The following HEATR4 variants were observed in gnomAD, a reference collection of about 807,000 sequenced individuals.
HEATR4 encodes HEAT repeat-containing protein 4.
HEATR4 carries 95 observed loss-of-function variants against 108.8 expected under a neutral mutation model. That is an observed-to-expected ratio of 0.87 (90% CI 0.74 to 1.04). HEATR4 has a LOEUF of 1.04. Ranked by LOEUF, HEATR4 falls within the 50% of genes least tolerant of loss-of-function variation. HEATR4 has a pLI of 0.00. For synonymous variants in HEATR4, 443 were observed against 459.4 expected (o/e 0.96, Z 0.46); for missense variants, 1,152 against 1,253.8 (o/e 0.92, Z 1.23).
the HEATR4 span, chr14:73,612,966 CG>C: frequency 5.8e-6 from 7 of 1,200,282 alleles, no homozygotes; most frequent in East Asian, 6.3e-5. Flanking sequence ...TTTCTCCGGC[CG>C]GGGGTGCGGC....
chr14:73,576,890 A>G, the HEATR4 span, among the ~76,000 whole-genome samples: 1 of 134,430 alleles, frequency 7.4e-6, no homozygotes, highest in Non-Finnish European at 1.6e-5. Context: ...CCTTAGTTGT[A>G]TTTAAAGGAA....
chr14:73,618,527 T>C, the HEATR4 span, among the ~76,000 whole-genome samples: 1 of 147,668 alleles, frequency 6.8e-6, no homozygotes, highest in African/African-American at 2.7e-5. Context: ...CTCTCCCCTA[T>C]GTCACTTTCC....
chr14:73,496,881 G>A (rs938370978), intron 14 of HEATR4, among the ~76,000 whole-genome samples: 1 of 152,006 alleles, frequency 6.6e-6, no homozygotes, highest in Admixed American at 6.6e-5. Flanking sequence ...TATATTTGTG[G>A]GTTTTTTGTT....
rs1207193744 is a variant in HEATR4, at chr14:73,533,844, C to T, written c.-151-3600G>A. On this transcript the variant is annotated intron_variant, in intron 1 of 17. Transcript: ENST00000553558. ...AGGATGATCACTTGAGGCCAGAGTT[C>T]GAGACCAGTCTGGGCAACATAGCAA... Among the ~76,000 whole-genome samples, 31 of 89,346 alleles carry T rather than the reference C, an allele frequency of 3.5e-4. 7 individuals carry two copies. Among genetic ancestry groups the T allele is most frequent in the Non-Finnish European group, 1.3e-4 (6 of 44,974 alleles). 58.6% of individuals were successfully genotyped at this position (89,346 alleles called of 152,430 possible).
intron 1 of HEATR4, among the ~76,000 whole-genome samples, chr14:73,545,267 C>A (rs1889214785): frequency 8.9e-6 from 1 of 112,454 alleles, no homozygotes; most frequent in African/African-American, 2.9e-5. Context: ...CCAATGTTGC[C>A]CAGGCTAGTC....
At chr14:73,506,018 G>A (rs937536342) in intron 10 of HEATR4, among the ~76,000 whole-genome samples, 2 of 150,210 alleles carry the variant, frequency 1.3e-5, no homozygotes, top group South Asian at 4.2e-4. Context: ...AGCCTCCCAA[G>A]TAGCAGGGAT....
intron 12 of HEATR4, 50 bp downstream of exon 12, chr14:73,500,497 AATG>A: frequency 6.5e-7 from 1 of 1,541,368 alleles, no homozygotes; most frequent in Non-Finnish European, 8.9e-7. Context: ...CAGGGAAGGT[AATG>A]CCCTCTTCAG....
intron 17 of HEATR4, among the ~76,000 whole-genome samples, chr14:73,480,263 G>A (rs1282717972): frequency 1.3e-5 from 2 of 152,054 alleles, no homozygotes; most frequent in Non-Finnish European, 2.9e-5. Context: ...CCAACATGGT[G>A]AAACCCCATC....
chr14:73,622,790 G>C, the HEATR4 span, among the ~76,000 whole-genome samples: 1 of 152,134 alleles, frequency 6.6e-6, no homozygotes, highest in Non-Finnish European at 1.5e-5. Context: ...AAAGAGAAAA[G>C]TTATCCATAA....
At chr14:73,490,996 G>A in intron 17 of HEATR4, 1 of 1,359,290 alleles carries the variant, frequency 7.4e-7, no homozygotes, top group Non-Finnish European at 9.5e-7. Flanking sequence ...GGCCGGGCGG[G>A]GAAGACTGGT....
chr14:73,580,051 T>C, the HEATR4 span, among the ~76,000 whole-genome samples: 1 of 151,846 alleles, frequency 6.6e-6, no homozygotes, highest in Non-Finnish European at 1.5e-5. Flanking sequence ...TGAGCCAAGA[T>C]TGTGTTACTG....
the HEATR4 span, chr14:73,616,775 G>A: frequency 1.1e-5 from 5 of 437,542 alleles, no homozygotes; most frequent in African/African-American, 2.0e-5. Context: ...AGTGATGAAC[G>A]CTGAGATTTT....
rs1211003097 is a variant in HEATR4, at chr14:73,547,683, G to A, written c.-152+11068C>T. ...GTGGATCACTTGAAGTCAGGAGTTC[G>A]AGAGCAGCCTAGCCAACATGGTAAA... On this transcript the variant is annotated intron_variant, in intron 1 of 17. Transcript: ENST00000553558. Among the ~76,000 whole-genome samples, 8 of 114,960 alleles carry A rather than the reference G, an allele frequency of 7.0e-5. 3 individuals carry two copies. The highest frequency in any genetic ancestry group is 1.7e-4 in the African/African-American group (6 of 35,416). The allele number at this position is 114,960 out of a possible 152,430, so 75.4% of individuals were successfully genotyped here. A position where few individuals can be genotyped will look rare whatever the true frequency, so the allele number is the denominator to read the frequency against.
chr14:73,491,322 C>T lies in HEATR4; in HGVS notation c.2844+1744G>A, dbSNP rs114305121. ...CGAGAGCCATACGGCCACCTGGGGCCCGCAGAGCTGCTGGAGGCCTCGCCC... is the reference window on the plus strand; with the variant it reads ...CGAGAGCCATACGGCCACCTGGGGCTCGCAGAGCTGCTGGAGGCCTCGCCC... On this transcript the variant is annotated intron_variant, in intron 17 of 17. Transcript: ENST00000553558. 5.8e-3 allele frequency: 8,740 copies of T among 1,502,856 alleles called. 465 individuals carry two copies. In the African/African-American group the frequency reaches 0.11, roughly 19 times the overall value. 93.1% of individuals were successfully genotyped at this position (1,502,856 alleles called of 1,614,324 possible).
the HEATR4 span, among the ~76,000 whole-genome samples, chr14:73,585,820 CTTTTTTT>C: frequency 1.7e-5 from 2 of 115,570 alleles, no homozygotes; most frequent in Non-Finnish European, 3.4e-5. Context: ...TTGTCTTTTT[CTTTTTTT>C]TTTTTTTTTT....
intron 5 of HEATR4, among the ~76,000 whole-genome samples, chr14:73,517,808 G>A (rs749061389): frequency 6.6e-6 from 1 of 152,182 alleles, no homozygotes; most frequent in South Asian, 2.1e-4. Context: ...AGAAAAAGAG[G>A]CTGGACACGG....
At chr14:73,481,476 G>A (rs1885253345) in intron 17 of HEATR4, among the ~76,000 whole-genome samples, 2 of 152,046 alleles carry the variant, frequency 1.3e-5, no homozygotes, top group Admixed American at 1.3e-4. Context: ...GGTGAAAGAA[G>A]GCAGCCGGAA....
In HEATR4 at chr14:73,537,504, C is replaced by G. The variant is rs201321050; in HGVS notation, c.-151-7260G>C. 932 of 1,215,108 alleles carry G rather than the reference C, an allele frequency of 7.7e-4. 221 individuals are homozygous for G. In the African/African-American group the frequency reaches 0.012, roughly 16 times the overall value. The allele number at this position is 1,215,108 out of a possible 1,614,324, so 75.3% of individuals were successfully genotyped here. On this transcript the variant is annotated intron_variant, in intron 1 of 17. Coordinates refer to ENST00000553558, the MANE Select transcript of HEATR4 (RefSeq NM_001220484.1). ...CGAATCGCCGTGCGCGGCCTAGCCC[C>G]GGAGCAGCCGGTCACGCTGCGCGCG...
intron 16 of HEATR4, 94 bp from the exon 17 acceptor site, chr14:73,493,218 C>T (rs1167979947): frequency 5.0e-6 from 5 of 1,007,560 alleles, no homozygotes; most frequent in Non-Finnish European, 3.1e-6. Flanking sequence ...CTTCAGGCTT[C>T]AGTGTACTGG....
Sources: allele counts gnomAD v4.1 joint callset (sites outside exome capture counted in the v4.1 genomes callset), GRCh38; gene constraint gnomAD v4.1.1; transcripts MANE v1.5; gene names NCBI Gene and HGNC (gene_info 2026-07-23, HGNC 2026-07-21).